The following THAP3 variants were observed in gnomAD, a reference collection of about 807,000 sequenced individuals.
The protein encoded by THAP3 is THAP domain containing 3.
Under a neutral mutation model 17.7 loss-of-function variants are expected in THAP3, and 12 were observed. The observed-to-expected ratio is 0.68, with a 90% CI of 0.43 to 1.10. The LOEUF (loss-of-function observed/expected upper bound fraction) is 1.10. Among genes scored for constraint, THAP3 ranks in the 50% least tolerant of loss-of-function variants. THAP3 has a pLI of 0.00. For missense variants in THAP3, 289 were observed against 318.0 expected, an observed-to-expected ratio of 0.91 and a Z score of 0.69; for synonymous variants, 133 against 126.9, an observed-to-expected ratio of 1.05 and a Z score of -0.32.
Position 6,625,169 on chromosome 1 carries a change from G to T in THAP3, c.-50G>T, listed in dbSNP as rs927376647. On this transcript the variant is annotated 5_prime_UTR_variant, in exon 2 of 6. Transcript: ENST00000054650. ...CCGCAGGTCCCTCCCCTCTCCGCAG[G>T]CCCCGCCGCCGCCGCCATCTTTGTT... 9.2e-6 allele frequency: 14 copies of T among 1,521,256 alleles called. No individual in the cohort carries two copies. The highest frequency in any genetic ancestry group is 1.2e-5 in the Non-Finnish European group (14 of 1,137,714). The allele number at this position is 1,521,256 out of a possible 1,614,324, so 94.2% of individuals were successfully genotyped here. A position where few individuals can be genotyped will look rare whatever the true frequency, so the allele number is the denominator to read the frequency against.
chr1:6,630,460 TCATATGC>T, intron 4 of THAP3, 107 bp downstream of exon 4: 2 of 1,092,792 alleles, frequency 1.8e-6, no homozygotes, highest in Non-Finnish European at 2.8e-6. Flanking sequence ...TCGCCTTTCC[TCATATGC>T]CAGTTTGGAT....
At chr1:6,625,338 C>T (rs1378038001) in intron 2 of THAP3, 46 bp downstream of exon 2, 22 of 1,495,500 alleles carry the variant, frequency 1.5e-5, no homozygotes, top group East Asian at 2.8e-5. Context: ...GACCCGGGGC[C>T]CGCGGACCGA....
At chr1:6,634,331 C>A, downstream of THAP3, 3 of 1,048,142 alleles carry the variant, frequency 2.9e-6, no homozygotes, top group Non-Finnish European at 4.0e-6. Context: ...GGCCGTGGGG[C>A]CGTCAGAGAA....
downstream of THAP3, chr1:6,634,377 T>C: frequency 2.6e-6 from 3 of 1,165,462 alleles, no homozygotes; most frequent in African/African-American, 1.6e-5. Flanking sequence ...GTTACAGAAT[T>C]GGACAACCCG....
intron 2 of THAP3, among the ~76,000 whole-genome samples, chr1:6,626,819 T>C (rs962252466): frequency 6.6e-6 from 1 of 152,256 alleles, no homozygotes; most frequent in African/African-American, 2.4e-5. Flanking sequence ...ACACTCCATC[T>C]TGGGCAACAG....
At chr1:6,629,091 A>G (rs1205964113) in intron 3 of THAP3, among the ~76,000 whole-genome samples, 2 of 152,188 alleles carry the variant, frequency 1.3e-5, no homozygotes, top group Non-Finnish European at 2.9e-5. Flanking sequence ...AATCCCAGCT[A>G]CTTGGGAGGC....
At chr1:6,630,781 A>G (rs1020273808) in intron 4 of THAP3, among the ~76,000 whole-genome samples, 2 of 152,052 alleles carry the variant, frequency 1.3e-5, no homozygotes, top group Non-Finnish European at 2.9e-5. Flanking sequence ...CACGTTGGCC[A>G]GGCTGGTCTC....
At chr1:6,625,424 G>A (rs1325233277) in intron 2 of THAP3, 132 bp downstream of exon 2, 47 of 652,190 alleles carry the variant, frequency 7.2e-5, no homozygotes, top group Non-Finnish European at 9.2e-5. Flanking sequence ...CCGAGGTCCT[G>A]GGCCCAGAGG....
At chr1:6,635,436 G>C (rs1570256977), downstream of THAP3, 2 of 505,966 alleles carry the variant, frequency 4.0e-6, no homozygotes, top group South Asian at 5.2e-5. Flanking sequence ...TGATCCTTGG[G>C]AAAACAGCCA....
chr1:6,628,143 C>T (rs971930547), intron 2 of THAP3: 1 of 234,132 alleles, frequency 4.3e-6, no homozygotes, highest in Non-Finnish European at 8.5e-6. Flanking sequence ...CTGTGTGGCT[C>T]ATCACTGTGC....
In THAP3 at chr1:6,632,872, A is replaced by C. The variant is rs768734646; in HGVS notation, c.515A>C (p.Asn172Thr). The change falls in exon 6 of 6, where the codon AAC becomes ACC. Residue 172 changes from asparagine (N) to threonine (T), a missense_variant. Coordinates refer to ENST00000054650, the MANE Select transcript of THAP3 (RefSeq NM_001195753.2). ...TGPAGLRRTP[N>T]KQPSDHSYAL... ...CCTGCAGGCCTGAGAAGGACCCCCA[A>C]CAAGCAGCCATCTGATCACAGCTAT... 1 of 1,612,964 alleles carries C rather than the reference A, an allele frequency of 6.2e-7. No homozygotes were observed. Among genetic ancestry groups the C allele is most frequent in the East Asian group, 2.2e-5 (1 of 44,892 alleles).
At chr1:6,630,653 C>T (rs2148719355) in intron 4 of THAP3, among the ~76,000 whole-genome samples, 1 of 152,314 alleles carries the variant, frequency 6.6e-6, no homozygotes, top group South Asian at 2.1e-4. Context: ...CGGCGCACTG[C>T]AACCTCTTCC....
chr1:6,626,419 AG>A (rs564557215), intron 2 of THAP3, among the ~76,000 whole-genome samples: 13 of 152,062 alleles, frequency 8.5e-5, no homozygotes, highest in African/African-American at 3.1e-4. Flanking sequence ...CCGCTATCAG[AG>A]TGGATTGCAG....
rs1431813731 is a variant in THAP3, at chr1:6,628,545, A to G, written c.121A>G (p.Ile41Val). The G allele has an allele frequency of 6.2e-7, 1 of 1,613,818 alleles. No individual in the cohort carries two copies. The highest frequency in any genetic ancestry group is 1.7e-5 in the Admixed American group (1 of 60,014). Residue 41 changes from isoleucine (I) to valine (V), a missense_variant, in exon 3 of 6, where the codon ATC becomes GTC. Coordinates refer to ENST00000054650, the MANE Select transcript of THAP3 (RefSeq NM_001195753.2). ...PELLKEWVLN[I>V]GRGNFKPKQH... Reference sequence around the variant, plus strand: ...GCTGCTGAAGGAATGGGTGCTGAACATCGGCCGGGGCAACTTCAAGCCCAA... The same window carrying G: ...GCTGCTGAAGGAATGGGTGCTGAACGTCGGCCGGGGCAACTTCAAGCCCAA...
rs565869290 is a variant in THAP3 at position 6,633,542 on chromosome 1, G to A, written c.*465G>A. On this transcript the variant is annotated 3_prime_UTR_variant, in exon 6 of 6. Transcript: ENST00000054650. ...TCCCGGCCTGGTGTGAGTGGGCAGT[G>A]TAATAAAGTGTCTTTCTATACGGTG... The A allele has an allele frequency of 1.1e-4, 121 of 1,091,930 alleles. No homozygotes were observed. Among genetic ancestry groups the A allele is most frequent in the Admixed American group, 1.4e-4 (3 of 20,790 alleles). 67.6% of individuals were successfully genotyped at this position (1,091,930 alleles called of 1,614,324 possible).
downstream of THAP3, chr1:6,634,151 A>C: frequency 7.0e-7 from 1 of 1,427,302 alleles, no homozygotes; most frequent in Non-Finnish European, 9.8e-7. Flanking sequence ...CACACAATAC[A>C]CGGAAGAGCG....
chr1:6,635,499 G>A (rs1273380558), downstream of THAP3: 2 of 682,496 alleles, frequency 2.9e-6, no homozygotes, highest in African/African-American at 1.8e-5. Flanking sequence ...CCTACCCCCA[G>A]CACCCTCAAA....
chr1:6,630,320 G>C lies in THAP3; in HGVS notation c.300G>C (p.Glu100Asp), dbSNP rs980105679. Residue 100 changes from glutamate to aspartate, a missense_variant, in exon 4 of 6, where the codon GAG (glutamate) becomes GAC (aspartate). By Grantham distance (45) the Glu-to-Asp change is conservative. Transcript: ENST00000054650. ...GGGAGAACACAGACCCTGCCAGTGAGAGAGGAAATGCCAGCTCTTCTCAGA... is the reference window on the plus strand; with the variant it reads ...GGGAGAACACAGACCCTGCCAGTGACAGAGGAAATGCCAGCTCTTCTCAGA... ...QVRENTDPAS[E>D]RGNASSSQKE... 5 of 1,614,086 alleles carry C rather than the reference G, an allele frequency of 3.1e-6. No homozygotes were observed. Among genetic ancestry groups the C allele is most frequent in the Non-Finnish European group, 4.2e-6 (5 of 1,180,044 alleles).
At chr1:6,625,028 G>A (rs1024170209) in intron 1 of THAP3, 74 bp downstream of exon 1, 25 of 593,034 alleles carry the variant, frequency 4.2e-5, no homozygotes, top group African/African-American at 4.2e-4. Flanking sequence ...ACCCCTTTAC[G>A]TGGCGCCCCG....
Sources: gnomAD v4.1 joint callset for allele counts (sites outside exome capture counted in the v4.1 genomes callset) on GRCh38, gnomAD v4.1.1 for gene constraint, MANE v1.5 for transcripts, NCBI Gene and HGNC (gene_info 2026-07-23, HGNC 2026-07-21) for gene names.